Variants in SPECC1L observed in about 807,000 individuals in gnomAD.
The protein encoded by SPECC1L is cytospin-A.
SPECC1L carries 40 observed loss-of-function variants against 116.8 expected under a neutral mutation model. That is an observed-to-expected ratio of 0.34 (90% CI 0.27 to 0.45). The LOEUF (loss-of-function observed/expected upper bound fraction) is 0.45. SPECC1L is among the 20% of genes least tolerant of loss of function. The pLI, the probability that SPECC1L is intolerant of heterozygous loss-of-function variation, is 1.00. For missense variants in SPECC1L, 1,110 were observed against 1,373.6 expected (o/e 0.81, Z 3.03); for synonymous variants, 504 against 500.6 (o/e 1.01, Z -0.09).
At chr22:24,318,175 G>A (rs893772269) in intron 4 of SPECC1L, among the ~76,000 whole-genome samples, 1 of 152,178 alleles carries the variant, frequency 6.6e-6, no homozygotes, top group Non-Finnish European at 1.5e-5. Flanking sequence ...CAGGCTGCTG[G>A]GAGGTGGATG....
At chr22:24,398,280 A>T (rs1289103437) in intron 14 of SPECC1L, among the ~76,000 whole-genome samples, 1 of 152,200 alleles carries the variant, frequency 6.6e-6, no homozygotes, top group South Asian at 2.1e-4. Flanking sequence ...GGAGGGCCTT[A>T]CAGATGTCAT....
At chr22:24,331,049 G>C (rs999703714) in intron 8 of SPECC1L, among the ~76,000 whole-genome samples, 7 of 152,142 alleles carry the variant, frequency 4.6e-5, no homozygotes, top group African/African-American at 1.7e-4. Context: ...TCTTATAATT[G>C]CATGAATCTC....
At chr22:24,373,579 A>T (rs919167187) in intron 14 of SPECC1L, among the ~76,000 whole-genome samples, 2 of 152,246 alleles carry the variant, frequency 1.3e-5, no homozygotes, top group Non-Finnish European at 2.9e-5. Context: ...CATATGTAGA[A>T]AGCTGAAACT....
chr22:24,298,246 TG>T (rs2049306289), intron 2 of SPECC1L, among the ~76,000 whole-genome samples: 1 of 152,226 alleles, frequency 6.6e-6, no homozygotes, highest in South Asian at 2.1e-4. Context: ...GGCTAAGCTA[TG>T]ACGTTCAGTA....
intron 8 of SPECC1L, among the ~76,000 whole-genome samples, chr22:24,331,880 A>G (rs189934515): frequency 2.8e-4 from 42 of 152,280 alleles, no homozygotes; most frequent in Non-Finnish European, 4.6e-4. Flanking sequence ...AAAACATTAA[A>G]TTATTAATTT....
chr22:24,370,195 A>C (rs2041846048), intron 14 of SPECC1L, among the ~76,000 whole-genome samples: 1 of 152,264 alleles, frequency 6.6e-6, no homozygotes, highest in African/African-American at 2.4e-5. Context: ...TTAACAGGTC[A>C]CTTTTGGATG....
intron 5 of SPECC1L, among the ~76,000 whole-genome samples, chr22:24,323,750 T>G (rs371041006): frequency 5.9e-5 from 9 of 152,356 alleles, no homozygotes; most frequent in Non-Finnish European, 1.2e-4. Flanking sequence ...TTAGGAGATT[T>G]GTATTAGTTC....
At chr22:24,393,183 A>G (rs969972102) in intron 14 of SPECC1L, among the ~76,000 whole-genome samples, 3 of 152,234 alleles carry the variant, frequency 2.0e-5, no homozygotes, top group African/African-American at 7.2e-5. Context: ...TGCTGTGGTC[A>G]TTTTTGGAAA....
chr22:24,404,113 C>T (rs952974417), intron 14 of SPECC1L, among the ~76,000 whole-genome samples: 1 of 152,216 alleles, frequency 6.6e-6, no homozygotes, highest in African/African-American at 2.4e-5. Flanking sequence ...CTGTTTTAAA[C>T]ACACTCTTCC....
chr22:24,326,378 G>T (rs771728786), intron 6 of SPECC1L, among the ~76,000 whole-genome samples: 1 of 152,184 alleles, frequency 6.6e-6, no homozygotes, highest in Non-Finnish European at 1.5e-5. Flanking sequence ...TTGTCTATGT[G>T]TGAGGTCGCA....
chr22:24,388,833 TA>T (rs2042212651), intron 14 of SPECC1L, among the ~76,000 whole-genome samples: 1 of 152,204 alleles, frequency 6.6e-6, no homozygotes. Flanking sequence ...TTAGTTGTGT[TA>T]TTTTTTTTAC....
Position 24,276,748 on chromosome 22 carries a change from C to T in SPECC1L, c.-93C>T. On this transcript the variant is annotated 5_prime_UTR_variant, in exon 2 of 17. Coordinates refer to ENST00000314328, the MANE Select transcript of SPECC1L (RefSeq NM_015330.6). ...AAGCCATTTTCCAGTGGCACCTCTTCCATCATGAGTTCCTGAGGCAGTCCG... is the reference window on the plus strand; with the variant it reads ...AAGCCATTTTCCAGTGGCACCTCTTTCATCATGAGTTCCTGAGGCAGTCCG... 1 of 453,730 alleles carries T rather than the reference C, an allele frequency of 2.2e-6. No homozygotes were observed. Among genetic ancestry groups the T allele is most frequent in the Non-Finnish European group, 4.4e-6 (1 of 226,600 alleles). The allele number at this position is 453,730 out of a possible 1,614,324, so 28.1% of individuals were successfully genotyped here. A position where few individuals can be genotyped will look rare whatever the true frequency, so the allele number is the denominator to read the frequency against.
intron 13 of SPECC1L, among the ~76,000 whole-genome samples, chr22:24,367,039 C>CA: frequency 6.6e-6 from 1 of 152,248 alleles, no homozygotes; most frequent in East Asian, 1.9e-4. Flanking sequence ...ACTAAAAATA[C>CA]AAAAATTAGC....
intron 2 of SPECC1L, among the ~76,000 whole-genome samples, chr22:24,285,473 C>T (rs1462914626): frequency 2.0e-5 from 3 of 152,100 alleles, no homozygotes. Context: ...AGCATTTGAA[C>T]GCATATTCTA....
rs146982683 is a variant in SPECC1L, at chr22:24,308,764, A to G, written c.154-4549A>G. ...CACATGGTAATTTTCTAATTCTGTCATTCCTTCTACATGTGTTAGTTGGCA... is the reference window on the plus strand; with the variant it reads ...CACATGGTAATTTTCTAATTCTGTCGTTCCTTCTACATGTGTTAGTTGGCA... On this transcript the variant is annotated intron_variant, in intron 3 of 16. Transcript: ENST00000314328. Among the ~76,000 whole-genome samples the G allele has an allele frequency of 1.4e-3, 217 of 152,202 alleles. 4 individuals are homozygous for G. In the East Asian group the frequency reaches 0.034, roughly 24 times the overall value.
rs115497346 is a variant in SPECC1L, at chr22:24,276,151, A to G, written c.-141-549A>G. ...CAGGGCTTTGGAAGGTGAAGAGGAG[A>G]GGACTGCTTGAGGCCGAGAGTTCGA... On this transcript the variant is annotated intron_variant, in intron 1 of 16. Transcript: ENST00000314328. 7.6e-3 allele frequency among the ~76,000 whole-genome samples: 1,156 copies of G among 152,216 alleles called. 13 individuals are homozygous for G. The highest frequency in any genetic ancestry group is 0.026 in the African/African-American group (1,084 of 41,504).
intron 14 of SPECC1L, among the ~76,000 whole-genome samples, chr22:24,409,850 CCT>C (rs1306024202): frequency 6.6e-6 from 1 of 152,032 alleles, no homozygotes; most frequent in African/African-American, 2.4e-5. Flanking sequence ...CATAGCGAAA[CCT>C]CATCTCTACA....
At chr22:24,329,989 A>G (rs1301186437) in intron 7 of SPECC1L, among the ~76,000 whole-genome samples, 1 of 152,198 alleles carries the variant, frequency 6.6e-6, no homozygotes, top group Non-Finnish European at 1.5e-5. Context: ...CATTATTATC[A>G]TTAATATCTG....
At chr22:24,346,120 C>T (rs2041289639) in intron 10 of SPECC1L, among the ~76,000 whole-genome samples, 1 of 151,890 alleles carries the variant, frequency 6.6e-6, no homozygotes, top group Non-Finnish European at 1.5e-5. Flanking sequence ...GATTCTCCTG[C>T]CTCAGCCTCC....
Sources: gnomAD v4.1 joint callset for allele counts (sites outside exome capture counted in the v4.1 genomes callset) on GRCh38, gnomAD v4.1.1 for gene constraint, MANE v1.5 for transcripts, NCBI Gene and HGNC (gene_info 2026-07-23, HGNC 2026-07-21) for gene names.